The following NFASC variants were observed in gnomAD, a reference collection of about 807,000 sequenced individuals.
NFASC encodes the protein neurofascin homolog.
Under a neutral mutation model 147.5 loss-of-function variants are expected in NFASC, and 43 were observed. The ratio of observed to expected loss-of-function variants is 0.29; its 90% confidence interval spans 0.23 to 0.38. The LOEUF is 0.38. NFASC is among the 10% of genes least tolerant of loss of function. The pLI is 1.00. For missense variants in NFASC, 1,320 were observed against 1,689.0 expected (o/e 0.78, Z 3.83); for synonymous variants, 622 against 665.5 (o/e 0.93, Z 1.01).
chr1:205,015,808 A>C lies in NFASC; in HGVS notation c.3492-500A>C, dbSNP rs1227703977. ...GTGAGGGAGAGGTTTGTTCCTTTAA[A>C]AGCCTTGCTTGTTGTCAAGGCGAGA... On this transcript the variant is annotated intron_variant, in intron 29 of 29. Coordinates refer to ENST00000339876, the MANE Select transcript of NFASC (RefSeq NM_001005388.3). The surrounding 1 kb of genome is among the most constrained non-coding windows in gnomAD (Gnocchi z 4.0). Among the ~76,000 whole-genome samples, 3 of 151,998 alleles carry C rather than the reference A, an allele frequency of 2.0e-5. No individual in the cohort carries two copies. The highest frequency in any genetic ancestry group is 7.2e-5 in the African/African-American group (3 of 41,398).
In NFASC at chr1:205,001,158, C is replaced by T; in HGVS notation, c.3020-12C>T. ...TCCTCATCACTAACCCCTTTTCTAA[C>T]CCGTCCACCAGCCCCTGATGAGCAG... On this transcript the variant is annotated splice_polypyrimidine_tract_variant and intron_variant, in intron 25 of 29. Coordinates refer to ENST00000339876, the MANE Select transcript of NFASC (RefSeq NM_001005388.3). 1 of 1,547,262 alleles carries T rather than the reference C, an allele frequency of 6.5e-7. No homozygotes were observed. The highest frequency in any genetic ancestry group is 8.9e-7 in the Non-Finnish European group (1 of 1,127,272).
chr1:204,835,790 C>A (rs761358695), intron 1 of NFASC, among the ~76,000 whole-genome samples: 1 of 152,056 alleles, frequency 6.6e-6, no homozygotes, highest in Non-Finnish European at 1.5e-5. Context: ...TCTCTGAGCA[C>A]GTACGATGCC....
intron 1 of NFASC, among the ~76,000 whole-genome samples, chr1:204,887,895 G>T (rs2148986114): frequency 6.6e-6 from 1 of 152,212 alleles, no homozygotes; most frequent in South Asian, 2.1e-4. Context: ...ACCATACCTG[G>T]CCCCTGATTG....
chr1:205,013,096 T>C (rs2151069946), intron 29 of NFASC, among the ~76,000 whole-genome samples: 1 of 152,302 alleles, frequency 6.6e-6, no homozygotes, highest in South Asian at 2.1e-4. Context: ...CCCCCAGGAG[T>C]CACTGCCCGA....
chr1:204,904,390 G>A (rs1423398724), intron 1 of NFASC, among the ~76,000 whole-genome samples: 4 of 152,146 alleles, frequency 2.6e-5, no homozygotes, highest in African/African-American at 7.2e-5. Flanking sequence ...GAGCCACTAC[G>A]CCTGGCCTAG....
chr1:204,948,572 G>T (rs61817571), intron 3 of NFASC: 10,104 of 517,762 alleles, frequency 0.02, 391 homozygotes, highest in African/African-American at 0.12. Flanking sequence ...GCCAAGGATG[G>T]ATTTGTTAAA....
At chr1:204,996,557 G>A (rs1238522254) in intron 24 of NFASC, among the ~76,000 whole-genome samples, 2 of 152,336 alleles carry the variant, frequency 1.3e-5, no homozygotes, top group East Asian at 1.9e-4. Flanking sequence ...AGCCAAGACC[G>A]GAGGAGGGCG....
intron 5 of NFASC, among the ~76,000 whole-genome samples, chr1:204,952,584 T>C (rs1455637206): frequency 6.6e-6 from 1 of 152,190 alleles, no homozygotes. Flanking sequence ...TCACGTTTTG[T>C]TCGACCACCT....
intron 1 of NFASC, among the ~76,000 whole-genome samples, chr1:204,843,614 TCCTTCCTTCCTTCCTCCCTCCCTCCCTC>T (rs1676036154): frequency 9.5e-6 from 1 of 105,070 alleles, no homozygotes; most frequent in South Asian, 3.7e-4. Context: ...CTTCCTTCCT[TCCTTCCTTCCTTCCTCCCTCCCTCCCTC>T]CCTCCCTCCC....
At chr1:204,929,857 G>A (rs551047163) in intron 2 of NFASC, among the ~76,000 whole-genome samples, 58 of 152,182 alleles carry the variant, frequency 3.8e-4, no homozygotes, top group Non-Finnish European at 7.3e-4. Flanking sequence ...GGCAGTTTGA[G>A]TTTCCTAGGA....
intron 20 of NFASC, 29 bp from the exon 21 acceptor site, chr1:204,981,769 C>G: frequency 6.9e-7 from 1 of 1,446,118 alleles, no homozygotes. Flanking sequence ...CTCTGGCAGC[C>G]TCTCCAGCCT....
chr1:204,953,076 G>A (rs1165622185), intron 5 of NFASC, among the ~76,000 whole-genome samples: 1 of 152,216 alleles, frequency 6.6e-6, no homozygotes, highest in Non-Finnish European at 1.5e-5. Flanking sequence ...TGGTTCCTTT[G>A]CAGAGACAAT....
intron 1 of NFASC, 33 bp from the exon 2 acceptor site, chr1:204,920,599 C>G: frequency 9.1e-7 from 1 of 1,104,272 alleles, no homozygotes; most frequent in Non-Finnish European, 1.2e-6. Flanking sequence ...TTAGAGTAAC[C>G]CTGGGGTTCT....
chr1:204,974,045 G>C, intron 12 of NFASC, 134 bp from the exon 13 acceptor site: 1 of 664,012 alleles, frequency 1.5e-6, no homozygotes, highest in Admixed American at 2.5e-5. Flanking sequence ...CTGAAGGAGG[G>C]AAGGTTGATA....
At chr1:204,961,979 C>A in intron 8 of NFASC, 1 of 688,018 alleles carries the variant, frequency 1.5e-6, no homozygotes, top group Non-Finnish European at 2.6e-6. Context: ...CCGTGTCTTT[C>A]CTTTGCAAAA....
intron 1 of NFASC, among the ~76,000 whole-genome samples, chr1:204,913,439 G>A (rs950896050): frequency 2.0e-5 from 3 of 152,030 alleles, no homozygotes; most frequent in South Asian, 4.2e-4. Flanking sequence ...TAATTAATAC[G>A]GTATGATACT....
intron 1 of NFASC, among the ~76,000 whole-genome samples, chr1:204,837,041 C>T (rs1423707432): frequency 6.6e-6 from 1 of 152,238 alleles, no homozygotes; most frequent in Non-Finnish European, 1.5e-5. Context: ...AGAAATGACT[C>T]AGAAGTGTGG....
In NFASC at chr1:205,010,769, G is replaced by C. The variant is rs1002155515; in HGVS notation, c.3421+1081G>C. On this transcript the variant is annotated intron_variant, in intron 28 of 29. Transcript: ENST00000339876. This position sits in a 1 kb window ranked among gnomAD's most constrained non-coding sequence, Gnocchi z 4.1. ...ATACAAAAAATTAGCTGGGTGTTTT[G>C]GCACGTGCCTATAATCCCAGCTACT... 4 of 152,064 alleles carry C rather than the reference G, an allele frequency of 2.6e-5. No individual in the cohort carries two copies. Among genetic ancestry groups the C allele is most frequent in the Non-Finnish European group, 4.4e-5 (3 of 68,026 alleles). The allele number at this position is 152,064 out of a possible 1,614,324, so 9.4% of individuals were successfully genotyped here. A position where few individuals can be genotyped will look rare whatever the true frequency, so the allele number is the denominator to read the frequency against.
At chr1:204,928,703 C>A (rs1374495249) in intron 2 of NFASC, among the ~76,000 whole-genome samples, 1 of 152,168 alleles carries the variant, frequency 6.6e-6, no homozygotes, top group Non-Finnish European at 1.5e-5. Flanking sequence ...GGAGTTACAA[C>A]AAAGAACACA....
Sources: allele counts gnomAD v4.1 joint callset (sites outside exome capture counted in the v4.1 genomes callset), GRCh38; gene constraint gnomAD v4.1.1; non-coding constraint Gnocchi (gnomAD v3.1); transcripts MANE v1.5; gene names NCBI Gene and HGNC (gene_info 2026-07-23, HGNC 2026-07-21).